Variants in TPR observed in about 807,000 individuals in gnomAD.
TPR encodes the protein nucleoprotein TPR.
In TPR, 51 loss-of-function variants were observed where a neutral mutation model predicts 316.1. The ratio of observed to expected loss-of-function variants is 0.16; its 90% CI spans 0.13 to 0.20. The LOEUF (loss-of-function observed/expected upper bound fraction) is 0.20, where lower values mean the gene tolerates loss of function less well. TPR is among the 10% of genes least tolerant of loss of function. The pLI is 1.00. For synonymous variants in TPR, 981 were observed against 914.7 expected (o/e 1.07, Z -1.31); for missense variants, 2,272 against 2,754.8 (o/e 0.82, Z 3.92).
At chr1:186,340,588 C>G (rs909385676) in intron 29 of TPR, among the ~76,000 whole-genome samples, 1 of 151,888 alleles carries the variant, frequency 6.6e-6, no homozygotes, top group South Asian at 2.1e-4. Context: ...TGTACCACCA[C>G]GCCCAGCTAA....
chr1:186,325,628 C>T, intron 42 of TPR, 136 bp downstream of exon 42: 3 of 651,862 alleles, frequency 4.6e-6, no homozygotes, highest in South Asian at 2.7e-5. Context: ...GAGAGCACAA[C>T]AGTCACAAAG....
intron 46 of TPR, among the ~76,000 whole-genome samples, chr1:186,319,845 T>C (rs1399238317): frequency 6.6e-6 from 1 of 152,204 alleles, no homozygotes; most frequent in Non-Finnish European, 1.5e-5. Context: ...GGCCATTTTA[T>C]TCCACATATT....
In TPR at chr1:186,351,323, G is replaced by C. The variant is rs1558021332; in HGVS notation, c.2610+7C>G. On this transcript the variant is annotated splice_region_variant and intron_variant, in intron 20 of 50. Coordinates refer to ENST00000367478, the MANE Select transcript of TPR (RefSeq NM_003292.3). ...CCTACAGAAATTCAGAACTCTGATG[G>C]ACTCACATCTAGATTTCTAGTAAGT... 1 of 1,601,012 alleles carries C rather than the reference G, an allele frequency of 6.2e-7. No homozygotes were observed. Among genetic ancestry groups the C allele is most frequent in the Admixed American group, 1.7e-5 (1 of 57,950 alleles).
At chr1:186,344,615 A>T (rs1035410228) in intron 24 of TPR, 37 bp from the exon 25 acceptor site, 4 of 1,434,136 alleles carry the variant, frequency 2.8e-6, no homozygotes, top group Non-Finnish European at 3.7e-6. Flanking sequence ...ACCAAAGATT[A>T]AAAATCCATA....
Position 186,312,460 on chromosome 1 carries a change from A to G in TPR, c.*1511T>C. 1 of 1,240,428 alleles carries G rather than the reference A, an allele frequency of 8.1e-7. No homozygotes were observed. The highest frequency in any genetic ancestry group is 1.5e-5 in the South Asian group (1 of 67,594). 76.8% of individuals were successfully genotyped at this position (1,240,428 alleles called of 1,614,324 possible). A position where few individuals can be genotyped will look rare whatever the true frequency, so the allele number is the denominator to read the frequency against. On this transcript the variant is annotated 3_prime_UTR_variant, in exon 51 of 51. Transcript: ENST00000367478. ...ACAGTAAGGCTTATGAAATATGGAT[A>G]CTGATCAAACAGCCCTAATAATTTA...
At position 186,330,975 on chromosome 1, in the gene TPR, A is replaced by C. The variant is rs548635910; in HGVS notation, c.5688+523T>G. Among the ~76,000 whole-genome samples the C allele has an allele frequency of 3.3e-5, 5 of 152,248 alleles. No homozygotes were observed. In the East Asian group the frequency reaches 9.6e-4, roughly 29 times the overall value. On this transcript the variant is annotated intron_variant, in intron 39 of 50. Transcript: ENST00000367478. ...TATGCTTACAGTCACAAAGCTTCCT[A>C]GTGGTGGAGCTAGGAATGACACCTC...
chr1:186,330,025 T>C (rs1028527558), intron 39 of TPR, among the ~76,000 whole-genome samples: 1 of 152,114 alleles, frequency 6.6e-6, no homozygotes, highest in African/African-American at 2.4e-5. Context: ...ATTAAATTAG[T>C]TAATAAATAA....
At chr1:186,336,967 TGTATAA>T in intron 32 of TPR, 40 bp downstream of exon 32, 1 of 1,610,444 alleles carries the variant, frequency 6.2e-7, no homozygotes, top group Non-Finnish European at 8.5e-7. Flanking sequence ...TTTCTTTAGG[TGTATAA>T]CAGGAAAGAA....
At chr1:186,340,888 A>C in intron 29 of TPR, 140 bp downstream of exon 29, 1 of 1,040,294 alleles carries the variant, frequency 9.6e-7, no homozygotes, top group South Asian at 2.0e-5. Flanking sequence ...ACGTATTTAC[A>C]TGTATTAATA....
In TPR at chr1:186,334,321, T is replaced by A. The variant is rs781744982; in HGVS notation, c.5182+4A>T. On this transcript the variant is annotated splice_donor_region_variant and intron_variant, in intron 36 of 50. Coordinates refer to ENST00000367478, the MANE Select transcript of TPR (RefSeq NM_003292.3). ...TCTCATCAGATCTGTATTATTTTAC[T>A]AACCTTCCTGTGATTCCACTTGTGT... 2 of 1,609,466 alleles carry A rather than the reference T, an allele frequency of 1.2e-6. No homozygotes were observed. The highest frequency in any genetic ancestry group is 4.5e-5 in the East Asian group (2 of 44,844).
At chr1:186,361,114 C>T (rs1408140863) in intron 9 of TPR, among the ~76,000 whole-genome samples, 2 of 151,558 alleles carry the variant, frequency 1.3e-5, no homozygotes, top group African/African-American at 4.8e-5. Flanking sequence ...GTCTCTTACC[C>T]ACAAAGAAAA....
chr1:186,343,567 C>T (rs891618107), intron 26 of TPR, 94 bp from the exon 27 acceptor site: 1 of 1,148,846 alleles, frequency 8.7e-7, no homozygotes, highest in East Asian at 2.5e-5. Context: ...AAATCATTGA[C>T]TTTAATAACT....
chr1:186,358,455 G>T lies in TPR; in HGVS notation c.1497+88C>A. 3.1e-6 allele frequency: 3 copies of T among 956,896 alleles called. No individual in the cohort carries two copies. In the Admixed American group the frequency reaches 7.5e-5, roughly 24 times the overall value. 59.3% of individuals were successfully genotyped at this position (956,896 alleles called of 1,614,324 possible). ...ATTAATTAGAATTTCATACATGGTA[G>T]TTCTATCTTAGGTACCTTCAAACAG... On this transcript the variant is annotated intron_variant, in intron 13 of 50. Coordinates refer to ENST00000367478, the MANE Select transcript of TPR (RefSeq NM_003292.3).
intron 4 of TPR, among the ~76,000 whole-genome samples, chr1:186,365,241 G>A (rs369481678): frequency 6.6e-6 from 1 of 151,786 alleles, no homozygotes; most frequent in African/African-American, 2.4e-5. Context: ...GATTACAGGC[G>A]CCTACCACCA....
At chr1:186,334,937 G>T in intron 35 of TPR, 131 bp downstream of exon 35, 1 of 906,210 alleles carries the variant, frequency 1.1e-6, no homozygotes, top group Non-Finnish European at 1.6e-6. Flanking sequence ...CAGTTCTGCA[G>T]AGAAAACAAC....
chr1:186,351,895 A>G, intron 19 of TPR, 81 bp downstream of exon 19: 2 of 1,471,694 alleles, frequency 1.4e-6, no homozygotes, highest in Non-Finnish European at 1.8e-6. Context: ...TAAATTTTCT[A>G]ATTAAGGAAA....
chr1:186,373,025 TATCTC>T (rs1464838849), intron 2 of TPR, among the ~76,000 whole-genome samples: 2 of 152,250 alleles, frequency 1.3e-5, no homozygotes, highest in Non-Finnish European at 2.9e-5. Flanking sequence ...CAAGAACTCT[TATCTC>T]ATTTGATTTA....
At chr1:186,350,903 G>T (rs1477315291) in intron 20 of TPR, among the ~76,000 whole-genome samples, 1 of 152,090 alleles carries the variant, frequency 6.6e-6, no homozygotes, top group Non-Finnish European at 1.5e-5. Context: ...GTTACTCAAA[G>T]AAAGTCAAGA....
At chr1:186,359,509 G>A (rs1250415581) in intron 12 of TPR, among the ~76,000 whole-genome samples, 1 of 151,864 alleles carries the variant, frequency 6.6e-6, no homozygotes, top group Non-Finnish European at 1.5e-5. Flanking sequence ...AGCAGTTTTA[G>A]GAGATTTGGC....
Sources: allele counts gnomAD v4.1 joint callset (sites outside exome capture counted in the v4.1 genomes callset), GRCh38; gene constraint gnomAD v4.1.1; transcripts MANE v1.5; gene names NCBI Gene and HGNC (gene_info 2026-07-23, HGNC 2026-07-21).